Variants in ALK observed in about 807,000 individuals in gnomAD.
ALK encodes the protein ALK tyrosine kinase receptor.
ALK carries 74 observed loss-of-function variants against 163.1 expected under a neutral mutation model. The observed-to-expected ratio is 0.45, with a 90% CI of 0.38 to 0.55. ALK has a LOEUF of 0.55. ALK is among the 20% of genes least tolerant of loss of function. ALK has a pLI of 0.00. For missense variants in ALK, 2,063 were observed against 2,105.3 expected (o/e 0.98, Z 0.39); for synonymous variants, 960 against 843.2 (o/e 1.14, Z -2.40).
intron 5 of ALK, among the ~76,000 whole-genome samples, chr2:29,349,986 G>C (rs917156254): frequency 2.6e-5 from 4 of 152,230 alleles, no homozygotes; most frequent in African/African-American, 9.6e-5. Context: ...AAGGTAGAGG[G>C]AGGCAGCTCA....
At chr2:29,723,035 G>A (rs897977068) in intron 1 of ALK, among the ~76,000 whole-genome samples, 4 of 152,074 alleles carry the variant, frequency 2.6e-5, no homozygotes, top group Non-Finnish European at 5.9e-5. Flanking sequence ...ATTGCTATGA[G>A]CTCAAAGAGG....
At chr2:29,833,085 A>C (rs940352931) in intron 1 of ALK, among the ~76,000 whole-genome samples, 1 of 152,168 alleles carries the variant, frequency 6.6e-6, no homozygotes, top group African/African-American at 2.4e-5. Context: ...ACTACAGAAT[A>C]CAGAGAGGGC....
intron 18 of ALK, 98 bp downstream of exon 18, chr2:29,226,824 C>T (rs2148178030): frequency 6.6e-7 from 1 of 1,504,260 alleles, no homozygotes; most frequent in Non-Finnish European, 9.2e-7. Context: ...GTTTACAAAA[C>T]CGAATCCAGG....
intron 3 of ALK, among the ~76,000 whole-genome samples, chr2:29,549,655 A>C (rs183071242): frequency 1.2e-3 from 178 of 152,334 alleles, no homozygotes; most frequent in Non-Finnish European, 1.7e-3. Context: ...ATGATTTTCC[A>C]AGAATAAATT....
intron 11 of ALK, among the ~76,000 whole-genome samples, chr2:29,255,364 C>T (rs942773703): frequency 6.6e-6 from 1 of 152,164 alleles, no homozygotes; most frequent in Non-Finnish European, 1.5e-5. Context: ...GTTTTCCAAA[C>T]CACCTGAGGA....
chr2:29,286,215 A>G (rs1490087738), intron 9 of ALK, among the ~76,000 whole-genome samples: 1 of 152,140 alleles, frequency 6.6e-6, no homozygotes, highest in Non-Finnish European at 1.5e-5. Context: ...CCTGTGTGCT[A>G]CTGTTTGCCT....
chr2:29,870,617 T>C (rs1258995543), intron 1 of ALK, among the ~76,000 whole-genome samples: 4 of 145,060 alleles, frequency 2.8e-5, no homozygotes, highest in Admixed American at 1.4e-4. Context: ...TATTTATTTA[T>C]TAAAATCATG....
At chr2:29,829,514 A>T (rs1314154103) in intron 1 of ALK, among the ~76,000 whole-genome samples, 2 of 152,148 alleles carry the variant, frequency 1.3e-5, no homozygotes, top group Non-Finnish European at 2.9e-5. Flanking sequence ...ATGTTGCCCA[A>T]GACTATTACC....
intron 11 of ALK, among the ~76,000 whole-genome samples, chr2:29,266,847 C>A (rs1665234719): frequency 6.6e-6 from 1 of 152,192 alleles, no homozygotes; most frequent in Non-Finnish European, 1.5e-5. Context: ...AGAATCCCCA[C>A]TGGGCTCCCA....
intron 1 of ALK, among the ~76,000 whole-genome samples, chr2:29,860,319 C>A (rs1666247366): frequency 6.7e-6 from 1 of 149,928 alleles, no homozygotes; most frequent in African/African-American, 2.5e-5. Flanking sequence ...GTTAGGAAGT[C>A]TCTTGCTCAA....
intron 4 of ALK, among the ~76,000 whole-genome samples, chr2:29,529,103 G>A (rs759196754): frequency 1.3e-5 from 2 of 152,252 alleles, no homozygotes; most frequent in South Asian, 4.2e-4. Context: ...TTCTGCCTCC[G>A]GGTGCTTCCA....
At chr2:29,658,712 AGT>A (rs1419882866) in intron 3 of ALK, among the ~76,000 whole-genome samples, 4 of 152,210 alleles carry the variant, frequency 2.6e-5, no homozygotes, top group African/African-American at 9.6e-5. Flanking sequence ...TATTAATGCT[AGT>A]ATATTTACTT....
intron 3 of ALK, among the ~76,000 whole-genome samples, chr2:29,624,967 C>A (rs1676150575): frequency 6.6e-6 from 1 of 152,124 alleles, no homozygotes; most frequent in African/African-American, 2.4e-5. Context: ...AGACTGACAG[C>A]TAGGGAAAAG....
rs906917893 is a variant in ALK, at chr2:29,381,972, G to A, written c.1282+1760C>T. ...TCACTATTCTCTGCCTTACACATCC[G>A]TATCAATCAATCCCTCCCCATCCCT... On this transcript the variant is annotated intron_variant, in intron 5 of 28. Coordinates refer to ENST00000389048, the MANE Select transcript of ALK (RefSeq NM_004304.5). Among the ~76,000 whole-genome samples the A allele has an allele frequency of 1.9e-4, 29 of 152,118 alleles. 1 individual carries two copies. Among genetic ancestry groups the A allele is most frequent in the African/African-American group, 5.8e-4 (24 of 41,424 alleles).
chr2:29,716,819 T>C (rs1228272576), intron 2 of ALK, among the ~76,000 whole-genome samples: 1 of 151,874 alleles, frequency 6.6e-6, no homozygotes, highest in Admixed American at 6.6e-5. Context: ...CTGGAAGACC[T>C]GTGACGCTCA....
intron 4 of ALK, among the ~76,000 whole-genome samples, chr2:29,514,581 C>T (rs1412539997): frequency 6.6e-6 from 1 of 152,182 alleles, no homozygotes; most frequent in Non-Finnish European, 1.5e-5. Flanking sequence ...CTTGTGTCCA[C>T]ATGCGTTTCC....
chr2:29,505,108 C>G (rs1402633059), intron 4 of ALK, among the ~76,000 whole-genome samples: 3 of 152,024 alleles, frequency 2.0e-5, no homozygotes, highest in East Asian at 1.9e-4. Context: ...GTAATTGGAC[C>G]AGGGTGAGGG....
At chr2:29,521,234 G>A (rs77087982) in intron 4 of ALK, among the ~76,000 whole-genome samples, 5,932 of 152,218 alleles carry the variant, frequency 0.039, 362 homozygotes, top group African/African-American at 0.13. Context: ...GTGCCCTCAG[G>A]TGAGTGATCT....
intron 4 of ALK, among the ~76,000 whole-genome samples, chr2:29,510,623 C>A (rs1277384795): frequency 6.6e-6 from 1 of 152,082 alleles, no homozygotes; most frequent in Non-Finnish European, 1.5e-5. Context: ...AATAGTGAAA[C>A]AACAGTCTCT....
Sources: gnomAD v4.1 joint callset for allele counts (sites outside exome capture counted in the v4.1 genomes callset) on GRCh38, gnomAD v4.1.1 for gene constraint, MANE v1.5 for transcripts, NCBI Gene and HGNC (gene_info 2026-07-23, HGNC 2026-07-21) for gene names.